CLYBL: variants seen among roughly 807,000 people sequenced by gnomAD.
CLYBL encodes citramalyl-CoA lyase, also known as citramalyl-CoA lyase, mitochondrial.
In CLYBL, 31 loss-of-function variants were observed where a neutral mutation model predicts 38.9. The observed-to-expected ratio is 0.80, with a 90% CI of 0.60 to 1.08. CLYBL has a LOEUF of 1.08. CLYBL is among the 50% of genes least tolerant of loss of function. The probability of loss-of-function intolerance (pLI) is 0.00; values close to 1 mark genes in which losing one functional copy is unlikely to be tolerated. For missense variants in CLYBL, 434 were observed against 411.6 expected (o/e 1.05, Z -0.47); for synonymous variants, 171 against 158.6 (o/e 1.08, Z -0.59).
intron 3 of CLYBL, 94 bp downstream of exon 3, chr13:99,859,143 TGCAGAGA>T (rs1566357020): frequency 2.2e-6 from 2 of 922,942 alleles, no homozygotes; most frequent in Admixed American, 2.9e-5. Context: ...GGAAAATGCA[TGCAGAGA>T]GCAGAGAGGA....
intron 1 of CLYBL, among the ~76,000 whole-genome samples, chr13:99,746,040 T>A (rs59204524): frequency 4.5e-3 from 204 of 45,648 alleles, no homozygotes; most frequent in Middle Eastern, 0.014. Context: ...AAAAAAAAAA[T>A]TTTTTTCAGA....
intron 1 of CLYBL, among the ~76,000 whole-genome samples, chr13:99,702,650 A>G (rs1425604884): frequency 6.6e-6 from 1 of 150,916 alleles, no homozygotes; most frequent in South Asian, 2.1e-4. Flanking sequence ...AAAAAAAAAA[A>G]CCTATTTAAA....
At chr13:99,713,766 C>CTCAA (rs1390412328) in intron 1 of CLYBL, among the ~76,000 whole-genome samples, 1 of 151,982 alleles carries the variant, frequency 6.6e-6, no homozygotes, top group Admixed American at 6.6e-5. Flanking sequence ...TCATTGCAGC[C>CTCAA]TCAACCTCCT....
intron 7 of CLYBL, among the ~76,000 whole-genome samples, chr13:99,872,753 GT>G (rs935020955): frequency 9.9e-5 from 15 of 152,172 alleles, no homozygotes; most frequent in Non-Finnish European, 2.1e-4. Flanking sequence ...GTGTGGGAGA[GT>G]TTACCCTGAA....
chr13:99,889,396 C>T (rs542789609), intron 7 of CLYBL, among the ~76,000 whole-genome samples: 55 of 152,284 alleles, frequency 3.6e-4, no homozygotes, highest in African/African-American at 1.1e-3. Flanking sequence ...GTGACCCAGG[C>T]CCGGATTTCC....
At chr13:99,611,107 C>G (rs977439669) in intron 1 of CLYBL, among the ~76,000 whole-genome samples, 1 of 152,222 alleles carries the variant, frequency 6.6e-6, no homozygotes, top group African/African-American at 2.4e-5. Flanking sequence ...ATTTTCAAGT[C>G]TACCACAGAG....
chr13:99,717,014 C>T (rs1292670715), intron 1 of CLYBL, among the ~76,000 whole-genome samples: 1 of 151,700 alleles, frequency 6.6e-6, no homozygotes, highest in Non-Finnish European at 1.5e-5. Context: ...TGGTCTCAAA[C>T]TCCTGACCTC....
intron 2 of CLYBL, among the ~76,000 whole-genome samples, chr13:99,793,897 A>G (rs1016420961): frequency 6.6e-6 from 1 of 152,030 alleles, no homozygotes; most frequent in Non-Finnish European, 1.5e-5. Context: ...TAAAAAAAAA[A>G]AAAAGAAAGA....
At chr13:99,706,265 G>T (rs1387238871) in intron 1 of CLYBL, among the ~76,000 whole-genome samples, 1 of 152,082 alleles carries the variant, frequency 6.6e-6, no homozygotes, top group East Asian at 1.9e-4. Context: ...ACATAATAAA[G>T]ACAAAGCCAC....
At chr13:99,792,257 G>T (rs915732965) in intron 2 of CLYBL, among the ~76,000 whole-genome samples, 1 of 152,176 alleles carries the variant, frequency 6.6e-6, no homozygotes, top group African/African-American at 2.4e-5. Flanking sequence ...GTGGGAGCTG[G>T]GCTGGAGGCT....
chr13:99,781,285 C>T (rs1360360468), intron 2 of CLYBL, among the ~76,000 whole-genome samples: 1 of 151,978 alleles, frequency 6.6e-6, no homozygotes, highest in African/African-American at 2.4e-5. Context: ...ATTCTCCTGC[C>T]TCAGCCTCCC....
chr13:99,891,261 A>G, intron 7 of CLYBL, 57 bp from the exon 8 acceptor site: 1 of 1,288,468 alleles, frequency 7.8e-7, no homozygotes, highest in South Asian at 1.2e-5. Context: ...TGTGCACAGA[A>G]AGGAAACCTA....
At chr13:99,722,219 A>G (rs2048403706) in intron 1 of CLYBL, among the ~76,000 whole-genome samples, 1 of 151,898 alleles carries the variant, frequency 6.6e-6, no homozygotes, top group South Asian at 2.1e-4. Context: ...TTTCCCCCTC[A>G]TCTTGCACAG....
At chr13:99,756,234 A>T (rs2049060639) in intron 1 of CLYBL, among the ~76,000 whole-genome samples, 1 of 152,194 alleles carries the variant, frequency 6.6e-6, no homozygotes, top group Admixed American at 6.5e-5. Flanking sequence ...GATCAGTGGA[A>T]GGTTGTGTAA....
intron 1 of CLYBL, among the ~76,000 whole-genome samples, chr13:99,614,987 A>G (rs2763940): frequency 0.85 from 128,991 of 152,154 alleles, 54,778 homozygotes; most frequent in Middle Eastern, 0.91. Context: ...TGGCACGAGT[A>G]CTTCATTCGT....
At chr13:99,842,239 TGTTCAG>T (rs2051101082) in intron 2 of CLYBL, among the ~76,000 whole-genome samples, 1 of 152,232 alleles carries the variant, frequency 6.6e-6, no homozygotes, top group South Asian at 2.1e-4. Context: ...AAGGCCTGTT[TGTTCAG>T]GTTCTTCTTG....
At chr13:99,618,977 G>A (rs900400005) in intron 1 of CLYBL, among the ~76,000 whole-genome samples, 1 of 152,166 alleles carries the variant, frequency 6.6e-6, no homozygotes, top group Non-Finnish European at 1.5e-5. Flanking sequence ...GAGTATCACT[G>A]CCACCTTTTG....
chr13:99,845,051 C>T (rs547139263), intron 2 of CLYBL, among the ~76,000 whole-genome samples: 11 of 152,236 alleles, frequency 7.2e-5, no homozygotes, highest in Non-Finnish European at 1.3e-4. Context: ...TGAAAGAGAA[C>T]GTTAGTGGTC....
chr13:99,777,684 G>A (rs570571166), intron 2 of CLYBL, among the ~76,000 whole-genome samples: 1 of 151,656 alleles, frequency 6.6e-6, no homozygotes, highest in African/African-American at 2.4e-5. Flanking sequence ...GTAGAGACGG[G>A]GTTTCATCAT....
Sources: allele counts gnomAD v4.1 joint callset (sites outside exome capture counted in the v4.1 genomes callset), GRCh38; gene constraint gnomAD v4.1.1; transcripts MANE v1.5; gene names NCBI Gene and HGNC (gene_info 2026-07-23, HGNC 2026-07-21).